GABRA4: variants seen among roughly 807,000 people sequenced by gnomAD.
The protein encoded by GABRA4 is gamma-aminobutyric acid type A receptor subunit alpha4.
Under a neutral mutation model 49.7 loss-of-function variants are expected in GABRA4, and 12 were observed. That is an observed-to-expected ratio of 0.24 (90% CI 0.15 to 0.39). The LOEUF (loss-of-function observed/expected upper bound fraction) is 0.39, where lower values mean the gene tolerates loss of function less well. GABRA4 is among the 10% of genes least tolerant of loss of function. The pLI is 1.00. For missense variants in GABRA4, 506 were observed against 686.0 expected (o/e 0.74, Z 2.93); for synonymous variants, 288 against 240.2 (o/e 1.20, Z -1.84).
intron 2 of GABRA4, among the ~76,000 whole-genome samples, chr4:46,983,108 G>T (rs183187334): frequency 1.1e-4 from 17 of 152,170 alleles, no homozygotes; most frequent in African/African-American, 3.9e-4. Flanking sequence ...AGTTCACAGA[G>T]ATTAAATAAT....
intron 8 of GABRA4, among the ~76,000 whole-genome samples, chr4:46,935,153 C>T (rs1206674338): frequency 6.6e-6 from 1 of 152,124 alleles, no homozygotes; most frequent in African/African-American, 2.4e-5. Context: ...ATGCCATTGC[C>T]AGTGATCCAG....
At chr4:46,933,124 ACT>A (rs1360668370) in intron 8 of GABRA4, among the ~76,000 whole-genome samples, 2 of 152,148 alleles carry the variant, frequency 1.3e-5, no homozygotes, top group Non-Finnish European at 2.9e-5. Flanking sequence ...CAAAAAGATT[ACT>A]GTCTGAAAAC....
At chr4:46,936,073 A>AT in intron 8 of GABRA4, among the ~76,000 whole-genome samples, 1 of 152,274 alleles carries the variant, frequency 6.6e-6, no homozygotes, top group East Asian at 1.9e-4. Context: ...TTCTTGAGTG[A>AT]TTCTTTTGCA....
intron 8 of GABRA4, among the ~76,000 whole-genome samples, chr4:46,949,674 T>C (rs889637567): frequency 1.3e-5 from 2 of 152,144 alleles, no homozygotes; most frequent in Non-Finnish European, 2.9e-5. Context: ...GAAACATTTG[T>C]AGTAATGAAT....
At chr4:46,974,171 A>G in intron 6 of GABRA4, 61 bp downstream of exon 6, 1 of 1,506,964 alleles carries the variant, frequency 6.6e-7, no homozygotes, top group Non-Finnish European at 8.9e-7. Context: ...TGAAAAAGTC[A>G]GGAGAAAACT....
intron 8 of GABRA4, among the ~76,000 whole-genome samples, chr4:46,941,800 T>C (rs919864301): frequency 6.6e-6 from 1 of 152,102 alleles, no homozygotes. Flanking sequence ...ACTCTTACCA[T>C]CTTGCCCAGA....
At chr4:46,974,418 T>C (rs949880840) in intron 5 of GABRA4, 43 bp from the exon 6 acceptor site, 5 of 1,570,414 alleles carry the variant, frequency 3.2e-6, no homozygotes, top group Non-Finnish European at 4.3e-6. Context: ...ATGCTCCTTT[T>C]TCATCCACAT....
chr4:46,979,880 G>A (rs1469712980), intron 2 of GABRA4, among the ~76,000 whole-genome samples: 2 of 152,054 alleles, frequency 1.3e-5, no homozygotes, highest in East Asian at 1.9e-4. Flanking sequence ...AGACTAGTTC[G>A]TAAAGAAGCA....
chr4:46,942,256 C>T (rs1377765566), intron 8 of GABRA4, among the ~76,000 whole-genome samples: 1 of 152,096 alleles, frequency 6.6e-6, no homozygotes, highest in African/African-American at 2.4e-5. Flanking sequence ...CTTCCAGCAG[C>T]TATTATCTAC....
chr4:46,930,736 A>G, intron 8 of GABRA4, among the ~76,000 whole-genome samples: 1 of 151,846 alleles, frequency 6.6e-6, no homozygotes. Context: ...CCTAATACCA[A>G]ATTCTAAGGA....
intron 8 of GABRA4, among the ~76,000 whole-genome samples, chr4:46,931,082 G>T (rs1193159253): frequency 6.6e-6 from 1 of 152,018 alleles, no homozygotes; most frequent in Middle Eastern, 3.2e-3. Flanking sequence ...GAACTCCAAA[G>T]ATCTAAAGAG....
intron 8 of GABRA4, among the ~76,000 whole-genome samples, chr4:46,951,317 T>A (rs1423698405): frequency 6.7e-6 from 1 of 150,192 alleles, no homozygotes; most frequent in Non-Finnish European, 1.5e-5. Context: ...GTATTTATAA[T>A]TAATATTTTA....
At chr4:46,984,502 A>C (rs540844061) in intron 2 of GABRA4, among the ~76,000 whole-genome samples, 16 of 152,176 alleles carry the variant, frequency 1.1e-4, no homozygotes, top group Middle Eastern at 3.4e-3. Flanking sequence ...GAAGTCATTA[A>C]AGATTAGTGC....
rs922196315 is a variant in GABRA4 at position 46,925,918 on chromosome 4, T to A, written c.*2307A>T. On this transcript the variant is annotated 3_prime_UTR_variant, in exon 9 of 9. Transcript: ENST00000264318. ...CATGATGTATTTTTAAACCTTCATA[T>A]GTAAAGGTAAGAAAAAAAATCATTT... 1 of 151,578 alleles carries A rather than the reference T, an allele frequency of 6.6e-6. No homozygotes were observed. Among genetic ancestry groups the A allele is most frequent in the Admixed American group, 6.6e-5 (1 of 15,172 alleles). 9.4% of individuals were successfully genotyped at this position (151,578 alleles called of 1,614,324 possible). A position where few individuals can be genotyped will look rare whatever the true frequency, so the allele number is the denominator to read the frequency against.
Position 46,928,118 on chromosome 4 carries a change from T to C in GABRA4, c.*107A>G, listed in dbSNP as rs2109933828. ...GGCTTATATCTTTAAATGGAAAAAT[T>C]ACACAGAGTTTTTATTTTAGTAAAG... is the stretch of plus-strand genomic sequence containing the variant. On this transcript the variant is annotated 3_prime_UTR_variant, in exon 9 of 9. Coordinates refer to ENST00000264318, the MANE Select transcript of GABRA4 (RefSeq NM_000809.4). 1.0e-6 allele frequency: 1 copy of C among 988,558 alleles called. No individual in the cohort carries two copies. The highest frequency in any genetic ancestry group is 1.4e-6 in the Non-Finnish European group (1 of 703,106). The allele number at this position is 988,558 out of a possible 1,614,324, so 61.2% of individuals were successfully genotyped here.
At chr4:46,972,130 T>A (rs1053787237) in intron 6 of GABRA4, among the ~76,000 whole-genome samples, 1 of 151,602 alleles carries the variant, frequency 6.6e-6, no homozygotes, top group Non-Finnish European at 1.5e-5. Flanking sequence ...AAATAAATTT[T>A]CCTGGACAGA....
At chr4:46,952,004 A>C (rs1030550719) in intron 8 of GABRA4, among the ~76,000 whole-genome samples, 4 of 151,998 alleles carry the variant, frequency 2.6e-5, no homozygotes, top group African/African-American at 7.2e-5. Context: ...AAAGCAATTA[A>C]AAGTATTTAT....
In GABRA4 at chr4:46,928,306, G is replaced by T; in HGVS notation, c.1584C>A (p.Val528=). 1 of 1,613,336 alleles carries T rather than the reference G, an allele frequency of 6.2e-7. No individual in the cohort carries two copies. Among genetic ancestry groups the T allele is most frequent in the South Asian group, 1.1e-5 (1 of 91,046 alleles). ...IDKYARILFP[V]TFGAFNMVYW... Reference sequence around the variant, plus strand: ...AAACCATGTTAAATGCCCCAAATGTGACTGGAAAGAGAATACGGGCATATT... The same window carrying T: ...AAACCATGTTAAATGCCCCAAATGTTACTGGAAAGAGAATACGGGCATATT... The change falls in exon 9 of 9, where the codon GTC becomes GTA. Residue 528 remains valine, a synonymous_variant. Coordinates refer to ENST00000264318, the MANE Select transcript of GABRA4 (RefSeq NM_000809.4).
chr4:46,933,337 A>G (rs34026660), intron 8 of GABRA4, among the ~76,000 whole-genome samples: 2,703 of 152,238 alleles, frequency 0.018, 34 homozygotes, highest in Non-Finnish European at 0.028. Flanking sequence ...TCTCCAATTT[A>G]TTATTTCTTT....
Sources: allele counts gnomAD v4.1 joint callset (sites outside exome capture counted in the v4.1 genomes callset), GRCh38; gene constraint gnomAD v4.1.1; transcripts MANE v1.5; gene names NCBI Gene and HGNC (gene_info 2026-07-23, HGNC 2026-07-21).